F13A1: variants seen among roughly 807,000 people sequenced by gnomAD.
The protein encoded by F13A1 is FSF, A subunit.
In F13A1, 47 loss-of-function variants were observed where a neutral mutation model predicts 80.1. That is an observed-to-expected ratio of 0.59 (90% CI 0.46 to 0.75). The LOEUF (loss-of-function observed/expected upper bound fraction) is 0.75, where lower values mean the gene tolerates loss of function less well. Among genes scored for constraint, F13A1 ranks in the 30% least tolerant of loss-of-function variants. F13A1 has a pLI of 0.00. For missense variants in F13A1, 817 were observed against 930.4 expected (o/e 0.88, Z 1.59); for synonymous variants, 349 against 344.9 (o/e 1.01, Z -0.13).
chr6:6,287,505 A>G (rs1758155776), intron 3 of F13A1, among the ~76,000 whole-genome samples: 1 of 152,132 alleles, frequency 6.6e-6, no homozygotes, highest in South Asian at 2.1e-4. Flanking sequence ...GAGAAAGCAC[A>G]GGAGGCAGTC....
At chr6:6,271,953 T>C (rs10484323) in intron 3 of F13A1, among the ~76,000 whole-genome samples, 19,771 of 152,270 alleles carry the variant, frequency 0.13, 1,830 homozygotes, top group African/African-American at 0.26. Context: ...CCATTTGTGA[T>C]GTTACTCTTT....
At chr6:6,198,699 C>T (rs1321404930) in intron 8 of F13A1, among the ~76,000 whole-genome samples, 1 of 152,186 alleles carries the variant, frequency 6.6e-6, no homozygotes, top group African/African-American at 2.4e-5. Context: ...ACCTGTAAAC[C>T]AATTATCAAA....
At chr6:6,223,097 G>A (rs1021923005) in intron 7 of F13A1, among the ~76,000 whole-genome samples, 14 of 152,124 alleles carry the variant, frequency 9.2e-5, no homozygotes, top group African/African-American at 3.4e-4. Flanking sequence ...ACACGACTTG[G>A]TCAAGACTCT....
rs150240819 is a variant in F13A1, at chr6:6,162,081, G to A, written c.1908+5377C>T. ...TGAAGAGAAGGGAGGAAGAAAAAGC[G>A]GCTCCGACTTGTGGGAGAGCAGAGT... On this transcript the variant is annotated intron_variant, in intron 13 of 14. Coordinates refer to ENST00000264870, the MANE Select transcript of F13A1 (RefSeq NM_000129.4). This position sits in a 1 kb window ranked among gnomAD's most constrained non-coding sequence, Gnocchi z 4.2. 2.0e-5 allele frequency among the ~76,000 whole-genome samples: 3 copies of A among 152,230 alleles called. No homozygotes were observed. The highest frequency in any genetic ancestry group is 2.1e-4 in the South Asian group (1 of 4,816).
intron 6 of F13A1, among the ~76,000 whole-genome samples, chr6:6,244,883 A>T (rs1017229949): frequency 6.6e-6 from 1 of 152,202 alleles, no homozygotes; most frequent in African/African-American, 2.4e-5. Context: ...TCAGTCAAGG[A>T]TGAAAACCAG....
intron 2 of F13A1, among the ~76,000 whole-genome samples, chr6:6,309,092 C>T (rs1170328498): frequency 6.6e-6 from 1 of 151,868 alleles, no homozygotes; most frequent in Non-Finnish European, 1.5e-5. Flanking sequence ...CATTTTAACC[C>T]CTAAGTATGC....
At chr6:6,157,937 AAGAG>A (rs1019069303) in intron 13 of F13A1, among the ~76,000 whole-genome samples, 1 of 152,166 alleles carries the variant, frequency 6.6e-6, no homozygotes, top group Non-Finnish European at 1.5e-5. Flanking sequence ...AGCTGTCCTG[AAGAG>A]AGAGATGGAA....
At chr6:6,194,372 C>T (rs1421961779) in intron 10 of F13A1, among the ~76,000 whole-genome samples, 1 of 152,206 alleles carries the variant, frequency 6.6e-6, no homozygotes, top group Non-Finnish European at 1.5e-5. Context: ...CCCCACAAAG[C>T]TTTCAGATGC....
In F13A1 at chr6:6,283,774, T is replaced by C. The variant is rs190273576; in HGVS notation, c.320-16965A>G. 1.8e-3 allele frequency among the ~76,000 whole-genome samples: 276 copies of C among 152,302 alleles called. 2 individuals carry two copies. The highest frequency in any genetic ancestry group is 0.014 in the Middle Eastern group (4 of 294). ...CCAATCTTGATTCTTCAAAGTTACA[T>C]GCTAAGGGATACCCTCCTGGTTGCC... On this transcript the variant is annotated intron_variant, in intron 3 of 14. Transcript: ENST00000264870.
At chr6:6,312,186 T>C (rs1758612335) in intron 2 of F13A1, among the ~76,000 whole-genome samples, 1 of 151,874 alleles carries the variant, frequency 6.6e-6, no homozygotes, top group Non-Finnish European at 1.5e-5. Flanking sequence ...TATACTGGTA[T>C]ACTTTAGACA....
intron 10 of F13A1, among the ~76,000 whole-genome samples, chr6:6,193,916 T>G (rs1005664375): frequency 6.6e-6 from 1 of 152,186 alleles, no homozygotes; most frequent in African/African-American, 2.4e-5. Context: ...TCCAGTAAGC[T>G]TGGTCTCCAA....
chr6:6,289,623 G>A (rs571197117), intron 3 of F13A1, among the ~76,000 whole-genome samples: 17 of 151,774 alleles, frequency 1.1e-4, no homozygotes, highest in East Asian at 3.9e-4. Flanking sequence ...ACAAAATCTC[G>A]GTCCTCCAAT....
At chr6:6,279,419 C>T (rs941896958) in intron 3 of F13A1, among the ~76,000 whole-genome samples, 2 of 152,188 alleles carry the variant, frequency 1.3e-5, no homozygotes, top group Non-Finnish European at 2.9e-5. Flanking sequence ...TTTGCCCCAT[C>T]TGACCCCAAC....
chr6:6,219,335 C>G (rs926490813), intron 8 of F13A1, among the ~76,000 whole-genome samples: 1 of 151,970 alleles, frequency 6.6e-6, no homozygotes, highest in Non-Finnish European at 1.5e-5. Context: ...TCACCCTCAC[C>G]CTCACCCTTC....
rs1222294942 is a variant in F13A1 at position 6,316,262 on chromosome 6, G to A, written c.130+2273C>T. Among the ~76,000 whole-genome samples, 58 of 150,474 alleles carry A rather than the reference G, an allele frequency of 3.9e-4. 3 individuals are homozygous for A. Among genetic ancestry groups the A allele is most frequent in the Non-Finnish European group, 7.4e-5 (5 of 67,576 alleles). On this transcript the variant is annotated intron_variant, in intron 2 of 14. Coordinates refer to ENST00000264870, the MANE Select transcript of F13A1 (RefSeq NM_000129.4). ...TGAAAAATATTAAATGAATGCATAT[G>A]TATGAAATCTGTAGCTTGTTATTAA...
chr6:6,187,248 C>T (rs1410135474), intron 10 of F13A1, among the ~76,000 whole-genome samples: 1 of 104,844 alleles, frequency 9.5e-6, no homozygotes, highest in East Asian at 2.3e-4. Flanking sequence ...GCCAGAATTT[C>T]CAACACTATG....
intron 4 of F13A1, among the ~76,000 whole-genome samples, chr6:6,255,813 G>A (rs993976810): frequency 2.1e-4 from 32 of 152,140 alleles, no homozygotes; most frequent in African/African-American, 4.6e-4. Context: ...GGGAAGGCTC[G>A]ATTTTAATTT....
chr6:6,168,702 G>A (rs767356074), intron 12 of F13A1, among the ~76,000 whole-genome samples: 1 of 152,224 alleles, frequency 6.6e-6, no homozygotes, highest in African/African-American at 2.4e-5. Context: ...ACAGCTTCAT[G>A]GCCAACAGTT....
At chr6:6,301,712 C>T (rs1161016439) in intron 3 of F13A1, among the ~76,000 whole-genome samples, 4 of 152,164 alleles carry the variant, frequency 2.6e-5, no homozygotes, top group Admixed American at 6.5e-5. Flanking sequence ...TGGACCTTTC[C>T]CATTGTTGGG....
Sources: allele counts gnomAD v4.1 joint callset (sites outside exome capture counted in the v4.1 genomes callset), GRCh38; gene constraint gnomAD v4.1.1; non-coding constraint Gnocchi (gnomAD v3.1); transcripts MANE v1.5; gene names NCBI Gene and HGNC (gene_info 2026-07-23, HGNC 2026-07-21).